Variants in GNL3L observed in about 807,000 individuals in gnomAD.
The protein encoded by GNL3L is guanine nucleotide-binding protein-like 3-like protein.
GNL3L carries 4 observed loss-of-function variants against 42.9 expected under a neutral mutation model. That is an observed-to-expected ratio of 0.09 (90% CI 0.05 to 0.21). The LOEUF is 0.21. Ranked by LOEUF, GNL3L falls within the 10% of genes least tolerant of loss-of-function variation. The pLI is 1.00. For missense variants in GNL3L, 412 were observed against 481.7 expected (o/e 0.86, Z 1.36); for synonymous variants, 159 against 176.3 (o/e 0.90, Z 0.78).
intron 16 of GNL3L, among the ~76,000 whole-genome samples, chrX:54,595,555 A>G (rs1043306933): frequency 1.8e-5 from 2 of 111,250 alleles, no homozygotes; most frequent in African/African-American, 6.5e-5. Context: ...ATTCCCTTCT[A>G]GTACTTGGTA....
rs746906703 is a variant in GNL3L, at chrX:54,541,397, T to C, written c.306+8T>C. The C allele has an allele frequency of 4.0e-5, 42 of 1,062,566 alleles. No individual in the cohort carries two copies. The highest frequency in any genetic ancestry group is 5.5e-5 in the Non-Finnish European group (42 of 761,990). 87.6% of individuals were successfully genotyped at this position (1,062,566 alleles called of 1,213,427 possible). A position where few individuals can be genotyped will look rare whatever the true frequency, so the allele number is the denominator to read the frequency against. ...GAGGAGTTTGAGCATAAGGTAAGAGTGCAGCCCTTGCCCCTGGGTAGGTTT... is the reference window on the plus strand; with the variant it reads ...GAGGAGTTTGAGCATAAGGTAAGAGCGCAGCCCTTGCCCCTGGGTAGGTTT... On this transcript the variant is annotated splice_region_variant and intron_variant, in intron 5 of 15. Transcript: ENST00000360845.
chrX:54,637,155 A>G, the GNL3L span, among the ~76,000 whole-genome samples: 1 of 111,442 alleles, frequency 9.0e-6, no homozygotes, highest in Admixed American at 9.6e-5. Flanking sequence ...TCTGTAGGGG[A>G]ACAAGAGCTT....
rs893003314 is a variant in GNL3L at position 54,540,001 on chromosome X, G to C, written c.82-134G>C. ...TCACCTTGGGAGTGAGGGGATGAGA[G>C]GATGAGAGGATTGAGAGATAGAAGG... On this transcript the variant is annotated intron_variant, in intron 3 of 15. Transcript: ENST00000360845. 1.3e-5 allele frequency: 6 copies of C among 473,414 alleles called. No individual in the cohort carries two copies. In the African/African-American group the frequency reaches 1.4e-4, roughly 11 times the overall value. 39.0% of individuals were successfully genotyped at this position (473,414 alleles called of 1,213,427 possible). A position where few individuals can be genotyped will look rare whatever the true frequency, so the allele number is the denominator to read the frequency against.
Position 54,554,697 on chromosome X carries a change from C to T in GNL3L, c.1446+5C>T. On this transcript the variant is annotated splice_donor_5th_base_variant and intron_variant, in intron 14 of 15. Transcript: ENST00000360845. ...AATAAAACCACCGTGTATAAGGTAC[C>T]TGTCATCTTTGTTCATGGCAACCCT... 1 of 1,205,934 alleles carries T rather than the reference C, an allele frequency of 8.3e-7. No individual in the cohort carries two copies. Among genetic ancestry groups the T allele is most frequent in the Non-Finnish European group, 1.1e-6 (1 of 890,337 alleles).
At position 54,563,718 on chromosome X, in the gene GNL3L, C is replaced by A. The variant is rs1428769450; in HGVS notation, c.*3116C>A. Among the ~76,000 whole-genome samples the A allele has an allele frequency of 9.1e-6, 1 of 109,456 alleles. No homozygotes were observed. The highest frequency in any genetic ancestry group is 1.9e-5 in the Non-Finnish European group (1 of 52,630). On this transcript the variant is annotated 3_prime_UTR_variant, in exon 16 of 16. Coordinates refer to ENST00000360845, the MANE Select transcript of GNL3L (RefSeq NM_001184819.2). The stretch of plus-strand genomic sequence containing the variant: ...GGAGGATCTCTTGAGCCCAGGAGGT[C>A]GATGCTGCATTGAGCCGAGATTGTG...
At chrX:54,540,367 A>G in intron 4 of GNL3L, 125 bp downstream of exon 4, 1 of 492,563 alleles carries the variant, frequency 2.0e-6, no homozygotes, top group South Asian at 3.0e-5. Flanking sequence ...GGAAGCCGGG[A>G]GAGAGGGAGG....
At chrX:54,568,453 A>C (rs1159846829), downstream of GNL3L, among the ~76,000 whole-genome samples, 1 of 111,549 alleles carries the variant, frequency 9.0e-6, no homozygotes, top group East Asian at 2.8e-4. Flanking sequence ...CAGAGACTCT[A>C]GGGGAGAATC....
At chrX:54,545,196 G>A in intron 8 of GNL3L, among the ~76,000 whole-genome samples, 1 of 111,470 alleles carries the variant, frequency 9.0e-6, no homozygotes, top group Non-Finnish European at 1.9e-5. Context: ...GATTACAGGC[G>A]TGAGCCACCA....
chrX:54,555,343 A>T (rs987812474), intron 14 of GNL3L, among the ~76,000 whole-genome samples: 3 of 110,419 alleles, frequency 2.7e-5, no homozygotes, highest in Non-Finnish European at 5.7e-5. Flanking sequence ...AGTCAGCAAG[A>T]CCTATGTCTT....
In GNL3L at chrX:54,565,037, A is replaced by AT. The variant is rs1925387254; in HGVS notation, c.*4436dup. On this transcript the variant is annotated 3_prime_UTR_variant, in exon 16 of 16. Transcript: ENST00000360845. ...GGCATGAACCACCGTGTCCGGCCAT[A>AT]TATTTTCGTCTTTTGAAGACTGTTA... 9.0e-6 allele frequency among the ~76,000 whole-genome samples: 1 copy of AT among 111,142 alleles called. No homozygotes were observed. The highest frequency in any genetic ancestry group is 4.7e-3 in the Middle Eastern group (1 of 214).
At chrX:54,557,468 T>C (rs1056204924) in intron 14 of GNL3L, among the ~76,000 whole-genome samples, 1 of 110,002 alleles carries the variant, frequency 9.1e-6, no homozygotes, top group Non-Finnish European at 1.9e-5. Context: ...AGGGTCTTGC[T>C]CTGTTGCCCA....
Position 54,551,461 on chromosome X carries a change from A to G in GNL3L, c.864-107A>G, listed in dbSNP as rs6651968. The G allele has an allele frequency of 0.031, 19,369 of 630,449 alleles. 1,139 individuals are homozygous for G. The highest frequency in any genetic ancestry group is 0.25 in the African/African-American group (11,168 of 44,905). The allele number at this position is 630,449 out of a possible 1,213,427, so 52.0% of individuals were successfully genotyped here. ...CTACATCTCTCCACCTTCGTCTCTA[A>G]TGCACCCTCCCCTCACTCCTTTACA... On this transcript the variant is annotated intron_variant, in intron 10 of 15. Transcript: ENST00000360845.
chrX:54,606,995 C>CCTTTCTTTCTTTCT (rs1926071576), intron 16 of GNL3L, among the ~76,000 whole-genome samples: 3 of 28,024 alleles, frequency 1.1e-4, no homozygotes, highest in Non-Finnish European at 1.8e-4. Flanking sequence ...CCTTTCCTTT[C>CCTTTCTTTCTTTCT]CTTTCTTTCT....
intron 16 of GNL3L, among the ~76,000 whole-genome samples, chrX:54,617,018 A>G (rs1270346872): frequency 9.0e-6 from 1 of 111,457 alleles, no homozygotes; most frequent in Non-Finnish European, 1.9e-5. Context: ...CACTACTTAA[A>G]CTGGCTTGTT....
At chrX:54,545,894 G>A (rs1003677574) in intron 8 of GNL3L, among the ~76,000 whole-genome samples, 1 of 112,188 alleles carries the variant, frequency 8.9e-6, no homozygotes, top group African/African-American at 3.2e-5. Context: ...GGTCATCCAG[G>A]CCTCAGTGCA....
rs1473090062 is a variant in GNL3L at position 54,551,021 on chromosome X, C to T, written c.834C>T (p.Cys278=). The T allele has an allele frequency of 1.8e-6, 2 of 1,139,835 alleles. No individual in the cohort carries two copies. Among genetic ancestry groups the T allele is most frequent in the East Asian group, 3.0e-5 (1 of 33,538 alleles). The allele number at this position is 1,139,835 out of a possible 1,213,427, so 93.9% of individuals were successfully genotyped here. A position where few individuals can be genotyped will look rare whatever the true frequency, so the allele number is the denominator to read the frequency against. The change falls in exon 10 of 16, where the codon TGC becomes TGT. Residue 278 remains cysteine (C), a synonymous_variant. Transcript: ENST00000360845. ...LINSLKRSRA[C]SVGAVPGITK... ...ATAGCCTGAAGCGCAGCCGCGCATG[C>T]AGCGTGGGAGCTGTTCCTGGAATTA...
chrX:54,591,679 G>A lies in GNL3L; in HGVS notation c.*46-29166G>A, dbSNP rs773525918. ...CTCTGTTCCTTTGGTCTATGTGTGT[G>A]TTTTTATGCTAGTACCATGCTGTTT... On this transcript the variant is annotated intron_variant, in intron 16 of 16. Transcript: ENST00000674498. 2.7e-5 allele frequency among the ~76,000 whole-genome samples: 3 copies of A among 110,907 alleles called. No individual in the cohort carries two copies. The South Asian group carries it at 1.1e-3, about 42-fold the overall frequency.
the GNL3L span, among the ~76,000 whole-genome samples, chrX:54,633,950 G>A: frequency 8.9e-6 from 1 of 112,893 alleles, no homozygotes; most frequent in African/African-American, 3.2e-5. Context: ...TCATCTTAGT[G>A]TGTTTTGGCC....
At chrX:54,559,464 A>G (rs1342491740) in intron 15 of GNL3L, among the ~76,000 whole-genome samples, 1 of 111,751 alleles carries the variant, frequency 8.9e-6, no homozygotes, top group East Asian at 2.8e-4. Context: ...GCAAATATCT[A>G]TATATTCTTT....
Sources: allele counts gnomAD v4.1 joint callset (sites outside exome capture counted in the v4.1 genomes callset), GRCh38; gene constraint gnomAD v4.1.1; transcripts MANE v1.5; gene names NCBI Gene and HGNC (gene_info 2026-07-23, HGNC 2026-07-21).